NFAT5: variants seen among roughly 807,000 people sequenced by gnomAD.
NFAT5 encodes nuclear factor of activated T cells 5.
A neutral mutation model predicts 166.5 loss-of-function variants in NFAT5; 31 were observed. That is an observed-to-expected ratio of 0.19 (90% confidence interval 0.14 to 0.25). The LOEUF (loss-of-function observed/expected upper bound fraction) is 0.25, where lower values mean the gene tolerates loss of function less well. Among genes scored for constraint, NFAT5 ranks in the 10% least tolerant of loss-of-function variants. The probability of loss-of-function intolerance (pLI) is 1.00; values close to 1 mark genes in which losing one functional copy is unlikely to be tolerated. For missense variants in NFAT5, 1,449 were observed against 1,821.8 expected, an observed-to-expected ratio of 0.80 and a Z score of 3.72; for synonymous variants, 612 against 639.7, an observed-to-expected ratio of 0.96 and a Z score of 0.65.
At chr16:69,674,667 A>G (rs1269804377) in intron 9 of NFAT5, among the ~76,000 whole-genome samples, 1 of 152,198 alleles carries the variant, frequency 6.6e-6, no homozygotes, top group Non-Finnish European at 1.5e-5. Context: ...TAATTTTGTA[A>G]TGGGTCTTTG....
chr16:69,579,091 GT>G (rs1321248753), intron 2 of NFAT5, among the ~76,000 whole-genome samples: 1 of 152,042 alleles, frequency 6.6e-6, no homozygotes, highest in Admixed American at 6.6e-5. Flanking sequence ...GGCCGGGCTG[GT>G]CTGGAACTCC....
chr16:69,593,545 G>C lies in NFAT5; in HGVS notation c.127+24997G>C, dbSNP rs2032606290. On this transcript the variant is annotated intron_variant, in intron 2 of 14. Transcript: ENST00000349945. ...GCCCAGGCGTGTCTCAAACTTCTGG[G>C]CTCAAGTGATCCTCCTGCCTCAGCC... Among the ~76,000 whole-genome samples, 5 of 151,678 alleles carry C rather than the reference G, an allele frequency of 3.3e-5. No individual in the cohort carries two copies. The South Asian group carries it at 1.0e-3, about 32-fold the overall frequency.
chr16:69,597,311 G>A (rs1394089083), intron 2 of NFAT5, among the ~76,000 whole-genome samples: 1 of 152,110 alleles, frequency 6.6e-6, no homozygotes, highest in African/African-American at 2.4e-5. Flanking sequence ...GGTATCACAG[G>A]CTAAATAAAT....
At chr16:69,656,478 G>T (rs1489978384) in intron 6 of NFAT5, among the ~76,000 whole-genome samples, 1 of 148,418 alleles carries the variant, frequency 6.7e-6, no homozygotes, top group African/African-American at 2.5e-5. Flanking sequence ...TTGAGACAGA[G>T]TCTCCGTCTG....
chr16:69,669,330 G>T (rs748060293), intron 7 of NFAT5, among the ~76,000 whole-genome samples: 5 of 152,104 alleles, frequency 3.3e-5, no homozygotes, highest in Non-Finnish European at 5.9e-5. Context: ...AAGGTGGGTG[G>T]ATCACAAGGT....
At chr16:69,663,744 G>T (rs1184405322) in intron 7 of NFAT5, among the ~76,000 whole-genome samples, 1 of 151,962 alleles carries the variant, frequency 6.6e-6, no homozygotes, top group Admixed American at 6.6e-5. Flanking sequence ...GGGCGTGGTG[G>T]CATGTCCCTG....
At chr16:69,676,946 G>A (rs1420581181) in intron 9 of NFAT5, 4 of 382,776 alleles carry the variant, frequency 1.0e-5, no homozygotes, top group Non-Finnish European at 1.9e-5. Flanking sequence ...AGTGTAGTGA[G>A]CTAGAAGAGC....
intron 2 of NFAT5, among the ~76,000 whole-genome samples, chr16:69,623,339 T>C (rs1446612223): frequency 6.6e-6 from 1 of 151,926 alleles, no homozygotes; most frequent in African/African-American, 2.4e-5. Context: ...AAAGGCTTTT[T>C]TTTTTTTTTT....
intron 1 of NFAT5, 87 bp from the exon 2 acceptor site, chr16:69,568,408 T>G (rs985200868): frequency 1.7e-6 from 1 of 588,956 alleles, no homozygotes; most frequent in South Asian, 1.8e-5. Context: ...ACACACACAT[T>G]GCAGTTATAT....
chr16:69,673,655 T>G (rs2036714228), intron 9 of NFAT5, among the ~76,000 whole-genome samples: 1 of 151,736 alleles, frequency 6.6e-6, no homozygotes, highest in Non-Finnish European at 1.5e-5. Context: ...CCCAGGAAGT[T>G]GAGGCTGCAG....
chr16:69,700,505 A>G lies in NFAT5; in HGVS notation c.*4154A>G, dbSNP rs2037879688. ...AACAAATAATGACCAGGACAAAACG[A>G]TTTAATAATTAAAGTCTCAAATCAC... On this transcript the variant is annotated 3_prime_UTR_variant, in exon 15 of 15. Coordinates refer to ENST00000349945, the MANE Select transcript of NFAT5 (RefSeq NM_138713.4). 1 of 152,234 alleles carries G rather than the reference A, an allele frequency of 6.6e-6. No homozygotes were observed. Among genetic ancestry groups the G allele is most frequent in the African/African-American group, 2.4e-5 (1 of 41,456 alleles). The allele number at this position is 152,234 out of a possible 1,614,324, so 9.4% of individuals were successfully genotyped here.
intron 2 of NFAT5, among the ~76,000 whole-genome samples, chr16:69,611,089 G>T (rs2033685959): frequency 6.6e-6 from 1 of 152,106 alleles, no homozygotes; most frequent in African/African-American, 2.4e-5. Flanking sequence ...ATATTAGACT[G>T]TCTTTCAAGA....
At chr16:69,672,683 C>T (rs895447391) in intron 9 of NFAT5, among the ~76,000 whole-genome samples, 2 of 152,192 alleles carry the variant, frequency 1.3e-5, no homozygotes, top group Non-Finnish European at 2.9e-5. Flanking sequence ...ATACTTCAAA[C>T]CCTAATTTCA....
Position 69,700,119 on chromosome 16 carries a change from C to T in NFAT5, c.*3768C>T, listed in dbSNP as rs1345610755. 1 of 151,760 alleles carries T rather than the reference C, an allele frequency of 6.6e-6. No homozygotes were observed. The highest frequency in any genetic ancestry group is 2.4e-5 in the African/African-American group (1 of 41,276). 9.4% of individuals were successfully genotyped at this position (151,760 alleles called of 1,614,324 possible). A position where few individuals can be genotyped will look rare whatever the true frequency, so the allele number is the denominator to read the frequency against. ...TCCCTTTCCTCCCCTCCCTGCCTCC[C>T]TTCTTCCCTTCCATCTCCCCCTCCT... On this transcript the variant is annotated 3_prime_UTR_variant, in exon 15 of 15. Transcript: ENST00000349945.
intron 10 of NFAT5, among the ~76,000 whole-genome samples, chr16:69,684,244 C>T (rs1182458280): frequency 2.8e-5 from 3 of 108,598 alleles, no homozygotes; most frequent in South Asian, 3.3e-4. Flanking sequence ...GGCGACCTAG[C>T]GAGACTGCCT....
intron 3 of NFAT5, among the ~76,000 whole-genome samples, chr16:69,643,874 T>C (rs561489585): frequency 6.6e-6 from 1 of 152,346 alleles, no homozygotes; most frequent in South Asian, 2.1e-4. Flanking sequence ...TCCATTTTAC[T>C]ACCTCACATG....
rs117083361 is a variant in NFAT5, at chr16:69,677,805, A to G, written c.1690+470A>G. On this transcript the variant is annotated intron_variant, in intron 10 of 14. Coordinates refer to ENST00000349945, the MANE Select transcript of NFAT5 (RefSeq NM_138713.4). ...GGTGAATAAATATTTTTTTCTTTCT[A>G]TATTGCCCCATAATACCTGATAAAT... Among the ~76,000 whole-genome samples, 798 of 152,232 alleles carry G rather than the reference A, an allele frequency of 5.2e-3. 2 individuals are homozygous for G. The highest frequency in any genetic ancestry group is 9.2e-3 in the Non-Finnish European group (625 of 67,990).
chr16:69,643,548 A>C (rs1166127073), intron 3 of NFAT5, among the ~76,000 whole-genome samples: 2 of 152,148 alleles, frequency 1.3e-5, no homozygotes, highest in East Asian at 3.8e-4. Flanking sequence ...AGAGATAGCA[A>C]ATCGTTACCT....
At position 69,659,769 on chromosome 16, in the gene NFAT5, C is replaced by T. The variant is rs751126952; in HGVS notation, c.1239C>T (p.Val413=). 6.7e-5 allele frequency: 108 copies of T among 1,613,568 alleles called. No individual in the cohort carries two copies. Among genetic ancestry groups the T allele is most frequent in the Non-Finnish European group, 1.2e-5 (14 of 1,179,850 alleles). ...TATTGAAATTGAGGAATGCTGATGT[C>T]GAAGCCAGAATAGGAATTGCTGGTT... is the stretch of plus-strand genomic sequence containing the variant. ...VGILKLRNAD[V]EARIGIAGSK... Residue 413 remains valine, a synonymous_variant, in exon 7 of 15, where the codon GTC becomes GTT. Coordinates refer to ENST00000349945, the MANE Select transcript of NFAT5 (RefSeq NM_138713.4).
Sources: allele counts gnomAD v4.1 joint callset (sites outside exome capture counted in the v4.1 genomes callset), GRCh38; gene constraint gnomAD v4.1.1; transcripts MANE v1.5; gene names NCBI Gene and HGNC (gene_info 2026-07-23, HGNC 2026-07-21).